The following HEMGN variants were observed in gnomAD, a reference collection of about 807,000 sequenced individuals.
HEMGN encodes the protein hemogen.
HEMGN carries 32 observed loss-of-function variants against 45.7 expected under a neutral mutation model. That is an observed-to-expected ratio of 0.70 (90% confidence interval 0.53 to 0.94). The LOEUF is 0.94. HEMGN is among the 40% of genes least tolerant of loss of function. The probability of loss-of-function intolerance (pLI) is 0.00; values close to 1 mark genes in which losing one functional copy is unlikely to be tolerated. For missense variants in HEMGN, 530 were observed against 564.2 expected (o/e 0.94, Z 0.61); for synonymous variants, 183 against 178.6 (o/e 1.02, Z -0.20).
chr9:97,938,190 T>C (rs1169806969), upstream of HEMGN: 8 of 1,166,050 alleles, frequency 6.9e-6, no homozygotes, highest in Admixed American at 1.5e-4. Flanking sequence ...GCAGCCTAGA[T>C]GCTTTTTTAA....
intron 2 of HEMGN, among the ~76,000 whole-genome samples, chr9:97,935,477 C>A (rs1207130083): frequency 6.6e-6 from 1 of 152,134 alleles, no homozygotes; most frequent in Non-Finnish European, 1.5e-5. Context: ...GCCAGCCCCC[C>A]ACACAACAGG....
chr9:97,934,342 G>A (rs1165356168), intron 2 of HEMGN, among the ~76,000 whole-genome samples: 3 of 151,142 alleles, frequency 2.0e-5, no homozygotes, highest in African/African-American at 4.9e-5. Flanking sequence ...GTGAGACTCT[G>A]TCTCAAAACG....
At position 97,930,410 on chromosome 9, in the gene HEMGN, A is replaced by G. The variant is rs369459043; in HGVS notation, c.985T>C (p.Cys329Arg). 5.6e-6 allele frequency: 9 copies of G among 1,613,738 alleles called. No homozygotes were observed. The African/African-American group carries it at 9.4e-5, about 17-fold the overall frequency. Reference sequence around the variant, plus strand: ...GCTTTAGGCACAATAATTTCGTTACATGTTTTATGAGGAAGGTATTTAGGT... The same window carrying G: ...GCTTTAGGCACAATAATTTCGTTACGTGTTTTATGAGGAAGGTATTTAGGT... ...AEPKYLPHKT[C>R]NEIIVPKAPS... The change falls in exon 3 of 4, where the codon TGT becomes CGT. Residue 329 changes from cysteine to arginine, a missense_variant. Physicochemically the swap from Cys to Arg is radical, Grantham distance 180 (BLOSUM62 -3). Coordinates refer to ENST00000616898, the MANE Select transcript of HEMGN (RefSeq NM_197978.3).
intron 1 of HEMGN, among the ~76,000 whole-genome samples, chr9:97,937,781 T>G (rs1025467851): frequency 1.3e-5 from 2 of 152,176 alleles, no homozygotes; most frequent in African/African-American, 4.8e-5. Context: ...ATCCAAGGAC[T>G]GAGATTAGTG....
chr9:97,936,367 T>C (rs897406959), intron 1 of HEMGN, 103 bp from the exon 2 acceptor site: 2 of 770,580 alleles, frequency 2.6e-6, no homozygotes, highest in African/African-American at 1.7e-5. Flanking sequence ...GTTTTTCTCC[T>C]AGCTTTTTGA....
intron 2 of HEMGN, among the ~76,000 whole-genome samples, chr9:97,934,641 A>G (rs914823101): frequency 6.6e-6 from 1 of 152,098 alleles, no homozygotes; most frequent in African/African-American, 2.4e-5. Context: ...CTACTGTAAA[A>G]TGATACACGT....
At chr9:97,933,999 T>C in intron 2 of HEMGN, among the ~76,000 whole-genome samples, 1 of 152,130 alleles carries the variant, frequency 6.6e-6, no homozygotes, top group Non-Finnish European at 1.5e-5. Flanking sequence ...GACTGACATA[T>C]AAACCTAAAG....
At chr9:97,936,094 A>G (rs1444107979) in intron 2 of HEMGN, 77 bp downstream of exon 2, 1 of 929,736 alleles carries the variant, frequency 1.1e-6, no homozygotes, top group African/African-American at 1.6e-5. Context: ...TACAGTGTGT[A>G]AAGTGCACAG....
chr9:97,936,538 A>G (rs934613338), intron 1 of HEMGN, among the ~76,000 whole-genome samples: 4 of 152,244 alleles, frequency 2.6e-5, no homozygotes, highest in Admixed American at 6.5e-5. Flanking sequence ...GTAATTTTAT[A>G]TATTGTACAA....
At chr9:97,928,475 A>T (rs1034132530) in intron 3 of HEMGN, among the ~76,000 whole-genome samples, 1 of 152,184 alleles carries the variant, frequency 6.6e-6, no homozygotes, top group African/African-American at 2.4e-5. Flanking sequence ...TGTATATTCA[A>T]ACTTTAAATT....
chr9:97,941,635 GAAC>G (rs1014095878), upstream of HEMGN, among the ~76,000 whole-genome samples: 3 of 152,198 alleles, frequency 2.0e-5, no homozygotes, highest in African/African-American at 4.8e-5. Context: ...GATTTGTTGT[GAAC>G]AACTGGAAGG....
At position 97,935,730 on chromosome 9, in the gene HEMGN, C is replaced by T. The variant is rs117207697; in HGVS notation, c.173+441G>A. On this transcript the variant is annotated intron_variant, in intron 2 of 3. Transcript: ENST00000616898. ...TAAACTCTTTGTCACTCATTTACAGCGAATGTTTTGGCTTATTCCATGGAG... is the reference window on the plus strand; with the variant it reads ...TAAACTCTTTGTCACTCATTTACAGTGAATGTTTTGGCTTATTCCATGGAG... 1.4e-4 allele frequency among the ~76,000 whole-genome samples: 22 copies of T among 152,270 alleles called. 1 individual carries two copies. The South Asian group carries it at 2.5e-3, about 17-fold the overall frequency.
chr9:97,934,465 GGGA>G (rs1481982165), intron 2 of HEMGN, among the ~76,000 whole-genome samples: 1 of 142,036 alleles, frequency 7.0e-6, no homozygotes, highest in Non-Finnish European at 1.6e-5. Context: ...GGGAGGGGAG[GGGA>G]GGAGAATACC....
intron 2 of HEMGN, among the ~76,000 whole-genome samples, chr9:97,932,931 T>C (rs1179147460): frequency 1.3e-5 from 2 of 152,128 alleles, no homozygotes; most frequent in African/African-American, 4.8e-5. Context: ...GAAAAAGATA[T>C]TAATAGTAAT....
chr9:97,943,983 T>C (rs888582338), intron 1 of HEMGN, among the ~76,000 whole-genome samples: 1 of 152,052 alleles, frequency 6.6e-6, no homozygotes, highest in Admixed American at 6.6e-5. Flanking sequence ...TGGTGTGGTG[T>C]TCTCACCTCT....
intron 2 of HEMGN, among the ~76,000 whole-genome samples, chr9:97,933,394 G>A (rs1390516389): frequency 6.6e-6 from 1 of 152,026 alleles, no homozygotes; most frequent in Non-Finnish European, 1.5e-5. Context: ...TTTTCATTTT[G>A]CAAATGACAA....
chr9:97,928,217 G>T (rs1826869129), intron 3 of HEMGN, among the ~76,000 whole-genome samples: 1 of 151,878 alleles, frequency 6.6e-6, no homozygotes, highest in African/African-American at 2.4e-5. Flanking sequence ...TAGTAGAGAC[G>T]GGGTTTCATC....
chr9:97,944,023 G>A (rs551599965), intron 1 of HEMGN, among the ~76,000 whole-genome samples: 2 of 151,962 alleles, frequency 1.3e-5, no homozygotes, highest in Non-Finnish European at 2.9e-5. Flanking sequence ...TTGCTCACAG[G>A]CTTCTCTTTC....
upstream of HEMGN, among the ~76,000 whole-genome samples, chr9:97,942,510 T>A (rs1325834244): frequency 6.6e-6 from 1 of 151,982 alleles, no homozygotes; most frequent in Non-Finnish European, 1.5e-5. Flanking sequence ...TGGTCTTGAA[T>A]TCCTGGGCTC....
Sources: gnomAD v4.1 joint callset for allele counts (sites outside exome capture counted in the v4.1 genomes callset) on GRCh38, gnomAD v4.1.1 for gene constraint, MANE v1.5 for transcripts, NCBI Gene and HGNC (gene_info 2026-07-23, HGNC 2026-07-21) for gene names.